The following SLC2A14 variants were observed in gnomAD, a reference collection of about 807,000 sequenced individuals.
SLC2A14 encodes the protein solute carrier family 2 member 14.
SLC2A14 carries 13 observed loss-of-function variants against 43.0 expected under a neutral mutation model. That is an observed-to-expected ratio of 0.30 (90% CI 0.20 to 0.48). SLC2A14 has a LOEUF of 0.48. Among genes scored for constraint, SLC2A14 ranks in the 20% least tolerant of loss-of-function variants. SLC2A14 has a pLI of 0.99. For synonymous variants in SLC2A14, 190 were observed against 233.8 expected (o/e 0.81, Z 1.71); for missense variants, 428 against 620.4 (o/e 0.69, Z 3.29).
At chr12:7,839,877 TC>T (rs1263497819) in intron 2 of SLC2A14, 2 of 434,636 alleles carry the variant, frequency 4.6e-6, no homozygotes, top group Non-Finnish European at 4.5e-6. Flanking sequence ...AGTTCTTATT[TC>T]CCCCTTTTGG....
At chr12:7,877,036 C>T (rs768874725), upstream of SLC2A14, among the ~76,000 whole-genome samples, 18 of 144,364 alleles carry the variant, frequency 1.2e-4, no homozygotes, top group South Asian at 3.9e-3. Flanking sequence ...TGGAGTCTCG[C>T]TCTGTCACCC....
At chr12:7,842,934 A>G (rs1467474384) in intron 2 of SLC2A14, among the ~76,000 whole-genome samples, 1 of 151,756 alleles carries the variant, frequency 6.6e-6, no homozygotes, top group Non-Finnish European at 1.5e-5. Context: ...CTACATGTTG[A>G]TCAGGCTGGT....
upstream of SLC2A14, among the ~76,000 whole-genome samples, chr12:7,874,755 T>C (rs1169655682): frequency 1.1e-5 from 1 of 89,124 alleles, no homozygotes; most frequent in African/African-American, 4.7e-5. Context: ...ATATAAATAT[T>C]TATATAACTA....
chr12:7,829,144 G>A (rs1040369640), intron 5 of SLC2A14, among the ~76,000 whole-genome samples: 23 of 151,706 alleles, frequency 1.5e-4, no homozygotes, highest in Admixed American at 7.9e-4. Flanking sequence ...CCCAGGAGGC[G>A]GAGGTTGCAG....
chr12:7,838,597 T>C (rs1865657827), intron 2 of SLC2A14, among the ~76,000 whole-genome samples: 1 of 152,208 alleles, frequency 6.6e-6, no homozygotes, highest in African/African-American at 2.4e-5. Flanking sequence ...GGATTAATCA[T>C]ACCTCTTTTC....
chr12:7,859,520 G>A (rs1944430076), intron 2 of SLC2A14, among the ~76,000 whole-genome samples: 1 of 152,138 alleles, frequency 6.6e-6, no homozygotes, highest in Admixed American at 6.6e-5. Flanking sequence ...TTAACCATGG[G>A]AATAAATGAC....
chr12:7,826,877 C>CTT lies in SLC2A14; in HGVS notation c.864+616_864+617dup, dbSNP rs1205951313. Among the ~76,000 whole-genome samples, 3 of 26,128 alleles carry CTT rather than the reference C, an allele frequency of 1.1e-4. 1 individual carries two copies. Among genetic ancestry groups the CTT allele is most frequent in the Non-Finnish European group, 8.1e-5 (1 of 12,278 alleles). 17.1% of individuals were successfully genotyped at this position (26,128 alleles called of 152,430 possible). Reference sequence around the variant, plus strand: ...TCCTTTCTTTTTTCTTTCTTTCTTTCTTTCTTTCTTTCTTTCTTTCTTTCT... The same window carrying CTT: ...TCCTTTCTTTTTTCTTTCTTTCTTTCTTTTTCTTTCTTTCTTTCTTTCTTTCT... On this transcript the variant is annotated intron_variant, in intron 7 of 10. Transcript: ENST00000431042.
At chr12:7,839,194 C>T (rs1352538914) in intron 2 of SLC2A14, among the ~76,000 whole-genome samples, 13 of 145,098 alleles carry the variant, frequency 9.0e-5, no homozygotes, top group African/African-American at 2.5e-4. Flanking sequence ...CAAGGTAAGG[C>T]GATAAAGGGT....
At chr12:7,887,642 T>C (rs754849851) in intron 1 of SLC2A14, among the ~76,000 whole-genome samples, 23 of 152,078 alleles carry the variant, frequency 1.5e-4, no homozygotes, top group Non-Finnish European at 2.9e-4. Context: ...GTATGTTACC[T>C]GTGTTGCCTG....
In SLC2A14 at chr12:7,830,208, A is replaced by C. The variant is rs138751424; in HGVS notation, c.273-202T>G. On this transcript the variant is annotated intron_variant, in intron 4 of 10. Coordinates refer to ENST00000431042, the MANE Select transcript of SLC2A14 (RefSeq NM_001286234.2). ...CGCTCTGTTGCCCAGGCTGGAGTGC[A>C]GTGGCGCGATCTCCGCTCACTGCAA... Among the ~76,000 whole-genome samples, 822 of 148,920 alleles carry C rather than the reference A, an allele frequency of 5.5e-3. 12 individuals carry two copies. The highest frequency in any genetic ancestry group is 0.019 in the African/African-American group (748 of 40,332).
chr12:7,826,774 C>T (rs1177168030), intron 7 of SLC2A14, among the ~76,000 whole-genome samples: 2 of 152,036 alleles, frequency 1.3e-5, no homozygotes, highest in African/African-American at 4.8e-5. Context: ...CTGGTAAAGT[C>T]AGCTCAGTCT....
At chr12:7,855,937 CA>C (rs1205470003) in intron 2 of SLC2A14, among the ~76,000 whole-genome samples, 1 of 151,834 alleles carries the variant, frequency 6.6e-6, no homozygotes, top group Non-Finnish European at 1.5e-5. Context: ...GCCTGGCTTA[CA>C]AAAGCTCCCT....
At chr12:7,861,901 G>T (rs987745411) in intron 2 of SLC2A14, among the ~76,000 whole-genome samples, 8 of 150,880 alleles carry the variant, frequency 5.3e-5, no homozygotes, top group African/African-American at 1.7e-4. Context: ...GGCAGAGGTT[G>T]CAATGAGCTG....
chr12:7,835,381 T>TCAAA (rs369557365), intron 2 of SLC2A14, among the ~76,000 whole-genome samples: 7 of 152,108 alleles, frequency 4.6e-5, no homozygotes, highest in African/African-American at 1.4e-4. Flanking sequence ...CGAGACTGTC[T>TCAAA]CAAACAAACA....
intron 9 of SLC2A14, 93 bp downstream of exon 9, chr12:7,819,389 T>C: frequency 6.5e-7 from 1 of 1,537,392 alleles, no homozygotes; most frequent in Non-Finnish European, 8.8e-7. Context: ...ATTGACAAAC[T>C]GCAACCTTAA....
intron 1 of SLC2A14, among the ~76,000 whole-genome samples, chr12:7,882,818 T>C (rs972963108): frequency 6.6e-6 from 1 of 151,780 alleles, no homozygotes; most frequent in Admixed American, 6.6e-5. Context: ...GCCTGGGTGA[T>C]GAGTGAGGCT....
chr12:7,838,105 C>T (rs1314640735), intron 2 of SLC2A14, among the ~76,000 whole-genome samples: 1 of 141,976 alleles, frequency 7.0e-6, no homozygotes, highest in Non-Finnish European at 1.5e-5. Context: ...TTTTTTTTTT[C>T]GAGACAGAAT....
intron 4 of SLC2A14, among the ~76,000 whole-genome samples, chr12:7,830,758 T>A (rs903311280): frequency 6.6e-6 from 1 of 152,162 alleles, no homozygotes; most frequent in African/African-American, 2.4e-5. Flanking sequence ...TTAAAACAGT[T>A]CCTTTGTCAG....
intron 2 of SLC2A14, among the ~76,000 whole-genome samples, chr12:7,836,515 C>G (rs1371806971): frequency 6.6e-6 from 1 of 152,116 alleles, no homozygotes; most frequent in Non-Finnish European, 1.5e-5. Flanking sequence ...CCACTGAGCC[C>G]AGCCCAACCA....
Sources: allele counts gnomAD v4.1 joint callset (sites outside exome capture counted in the v4.1 genomes callset), GRCh38; gene constraint gnomAD v4.1.1; transcripts MANE v1.5; gene names NCBI Gene and HGNC (gene_info 2026-07-23, HGNC 2026-07-21).